The following PPARGC1A variants were observed in gnomAD, a reference collection of about 807,000 sequenced individuals.
PPARGC1A encodes PPARG coactivator 1 alpha.
A neutral mutation model predicts 88.7 loss-of-function variants in PPARGC1A; 25 were observed. That is an observed-to-expected ratio of 0.28 (90% CI 0.21 to 0.39). The LOEUF is 0.39. PPARGC1A is among the 10% of genes least tolerant of loss of function. The probability of loss-of-function intolerance (pLI) is 1.00; values close to 1 mark genes in which losing one functional copy is unlikely to be tolerated. For missense variants in PPARGC1A, 880 were observed against 968.7 expected, an observed-to-expected ratio of 0.91 and a Z score of 1.22; for synonymous variants, 363 against 355.6, an observed-to-expected ratio of 1.02 and a Z score of -0.24.
At chr4:24,232,062 C>G in the PPARGC1A span, among the ~76,000 whole-genome samples, 14 of 152,124 alleles carry the variant, frequency 9.2e-5, no homozygotes, top group African/African-American at 3.1e-4. Flanking sequence ...CCATGAAACA[C>G]GTTTTTGAAA....
At chr4:23,898,853 T>C (rs1278563021) in intron 1 of PPARGC1A, among the ~76,000 whole-genome samples, 3 of 90,124 alleles carry the variant, frequency 3.3e-5, no homozygotes, top group Non-Finnish European at 7.1e-5. Flanking sequence ...TTTTTTTTTT[T>C]GAGACAGAGT....
the PPARGC1A span, among the ~76,000 whole-genome samples, chr4:23,910,192 T>C: frequency 4.1e-5 from 4 of 96,610 alleles, no homozygotes; most frequent in South Asian, 1.1e-3. Flanking sequence ...ATATATAAAA[T>C]ATATAAAAAT....
the PPARGC1A span, among the ~76,000 whole-genome samples, chr4:24,274,592 C>G: frequency 2.6e-5 from 4 of 152,180 alleles, no homozygotes; most frequent in Non-Finnish European, 4.4e-5. Flanking sequence ...TGAAGCATTA[C>G]TCCTCCTCTG....
At chr4:24,023,091 T>A in the PPARGC1A span, among the ~76,000 whole-genome samples, 1 of 152,278 alleles carries the variant, frequency 6.6e-6, no homozygotes, top group East Asian at 1.9e-4. Flanking sequence ...GTTAATACTA[T>A]TTTATGATAC....
chr4:24,420,712 C>T, the PPARGC1A span, among the ~76,000 whole-genome samples: 1 of 152,170 alleles, frequency 6.6e-6, no homozygotes, highest in Non-Finnish European at 1.5e-5. Context: ...AGCAGCCCTC[C>T]CCTACCACTT....
the PPARGC1A span, among the ~76,000 whole-genome samples, chr4:24,119,484 A>C: frequency 6.6e-6 from 1 of 152,190 alleles, no homozygotes; most frequent in African/African-American, 2.4e-5. Flanking sequence ...AACTGTCAGG[A>C]TATCAAATTA....
the PPARGC1A span, among the ~76,000 whole-genome samples, chr4:24,099,539 G>A: frequency 6.6e-6 from 1 of 152,160 alleles, no homozygotes; most frequent in South Asian, 2.1e-4. Context: ...GATGAGAGGA[G>A]CCGGGGGATT....
At chr4:24,310,467 T>G in the PPARGC1A span, among the ~76,000 whole-genome samples, 1 of 152,186 alleles carries the variant, frequency 6.6e-6, no homozygotes, top group Admixed American at 6.5e-5. Flanking sequence ...ATTTTATGGT[T>G]CGTAGCTGAT....
the PPARGC1A span, among the ~76,000 whole-genome samples, chr4:24,011,639 A>G: frequency 3.3e-5 from 5 of 152,096 alleles, no homozygotes; most frequent in Non-Finnish European, 2.9e-5. Flanking sequence ...CTTACTCACT[A>G]CAACTAAATG....
At chr4:24,279,378 CA>C in the PPARGC1A span, among the ~76,000 whole-genome samples, 1 of 152,128 alleles carries the variant, frequency 6.6e-6, no homozygotes, top group Non-Finnish European at 1.5e-5. Context: ...GATCTTTGTA[CA>C]ATCCCAATCT....
chr4:24,029,834 A>G, the PPARGC1A span, among the ~76,000 whole-genome samples: 1 of 151,250 alleles, frequency 6.6e-6, no homozygotes, highest in South Asian at 2.1e-4. Flanking sequence ...CAGAGAAAAC[A>G]TCTCAGTGGA....
At chr4:24,168,609 G>A in the PPARGC1A span, among the ~76,000 whole-genome samples, 1 of 150,626 alleles carries the variant, frequency 6.6e-6, no homozygotes, top group Non-Finnish European at 1.5e-5. Flanking sequence ...GTGAGGAAGA[G>A]CTCACACACA....
the PPARGC1A span, among the ~76,000 whole-genome samples, chr4:23,952,616 G>A: frequency 6.6e-6 from 1 of 151,984 alleles, no homozygotes; most frequent in Non-Finnish European, 1.5e-5. Context: ...ATATATCCAG[G>A]TTTTAGGGGG....
chr4:24,315,210 C>A, the PPARGC1A span, among the ~76,000 whole-genome samples: 1 of 152,090 alleles, frequency 6.6e-6, no homozygotes, highest in Admixed American at 6.6e-5. Flanking sequence ...ATGACAGCTT[C>A]CTGCAACCTA....
At chr4:24,066,763 A>G in the PPARGC1A span, among the ~76,000 whole-genome samples, 1 of 152,110 alleles carries the variant, frequency 6.6e-6, no homozygotes. Flanking sequence ...CCTCACCCCA[A>G]ATATGAGAGA....
At chr4:23,802,719 A>G (rs556112224) in intron 10 of PPARGC1A, among the ~76,000 whole-genome samples, 11 of 151,418 alleles carry the variant, frequency 7.3e-5, no homozygotes, top group South Asian at 2.1e-4. Flanking sequence ...CTCTAGAAAC[A>G]TTCATAAATG....
chr4:24,114,241 A>C, the PPARGC1A span, among the ~76,000 whole-genome samples: 1 of 152,076 alleles, frequency 6.6e-6, no homozygotes, highest in Non-Finnish European at 1.5e-5. Context: ...AAATGAACTG[A>C]TACAGTGAAC....
chr4:24,329,536 C>G, the PPARGC1A span, among the ~76,000 whole-genome samples: 4 of 152,182 alleles, frequency 2.6e-5, no homozygotes, highest in Admixed American at 6.5e-5. Context: ...CGCCCTCCCC[C>G]TGGGGCTCTT....
chr4:24,440,686 C>T, the PPARGC1A span, among the ~76,000 whole-genome samples: 1 of 152,002 alleles, frequency 6.6e-6, no homozygotes, highest in African/African-American at 2.4e-5. Flanking sequence ...CCTGTAGTCC[C>T]AGTTACTCGG....
Sources: gnomAD v4.1 joint callset for allele counts (sites outside exome capture counted in the v4.1 genomes callset) on GRCh38, gnomAD v4.1.1 for gene constraint, MANE v1.5 for transcripts, NCBI Gene and HGNC (gene_info 2026-07-23, HGNC 2026-07-21) for gene names.